The following TMEM132C variants were observed in gnomAD, a reference collection of about 807,000 sequenced individuals.
TMEM132C encodes the protein protein phosphatase 1, regulatory subunit 152.
TMEM132C carries 29 observed loss-of-function variants against 61.4 expected under a neutral mutation model. The observed-to-expected ratio is 0.47, with a 90% confidence interval of 0.35 to 0.64. TMEM132C has a LOEUF of 0.64. Among genes scored for constraint, TMEM132C ranks in the 30% least tolerant of loss-of-function variants. TMEM132C has a pLI of 0.00. For synonymous variants in TMEM132C, 656 were observed against 633.1 expected (o/e 1.04, Z -0.54); for missense variants, 1,408 against 1,476.9 (o/e 0.95, Z 0.76).
intron 1 of TMEM132C, among the ~76,000 whole-genome samples, chr12:128,357,438 T>C (rs902446488): frequency 2.0e-5 from 3 of 152,156 alleles, no homozygotes; most frequent in Non-Finnish European, 4.4e-5. Context: ...GGCTCATGCC[T>C]GTAATCTCAG....
intron 1 of TMEM132C, among the ~76,000 whole-genome samples, chr12:128,399,618 A>C (rs758570071): frequency 2.0e-5 from 3 of 152,146 alleles, no homozygotes; most frequent in Admixed American, 6.5e-5. Context: ...TGGTCTATAA[A>C]TCAGATTGTA....
At chr12:128,393,029 G>A (rs73436698) in intron 1 of TMEM132C, among the ~76,000 whole-genome samples, 8,530 of 152,254 alleles carry the variant, frequency 0.056, 724 homozygotes, top group African/African-American at 0.19. Context: ...AAAATGGGTG[G>A]TTCAAACAAA....
At chr12:128,622,940 G>A (rs1395128947) in intron 4 of TMEM132C, among the ~76,000 whole-genome samples, 1 of 152,068 alleles carries the variant, frequency 6.6e-6, no homozygotes, top group African/African-American at 2.4e-5. Flanking sequence ...AAAAATATTT[G>A]CTCAGTTGAA....
chr12:128,407,343 C>G (rs528503672), intron 1 of TMEM132C, among the ~76,000 whole-genome samples: 53 of 152,320 alleles, frequency 3.5e-4, no homozygotes, highest in African/African-American at 1.2e-3. Flanking sequence ...CATTAAACCT[C>G]TTTTTCTTTT....
At chr12:128,376,466 T>C (rs550129511) in intron 1 of TMEM132C, among the ~76,000 whole-genome samples, 11 of 152,328 alleles carry the variant, frequency 7.2e-5, no homozygotes, top group Admixed American at 4.6e-4. Flanking sequence ...ACTTTAGATA[T>C]CAAGAGAATC....
chr12:128,390,557 C>T (rs1230886770), intron 1 of TMEM132C, among the ~76,000 whole-genome samples: 2 of 152,142 alleles, frequency 1.3e-5, no homozygotes, highest in Non-Finnish European at 2.9e-5. Flanking sequence ...TACTATCAGC[C>T]GACTGGCCAC....
rs145992332 is a variant in TMEM132C at position 128,644,055 on chromosome 12, G to A, written c.1306-25362G>A. 3.3e-3 allele frequency among the ~76,000 whole-genome samples: 508 copies of A among 152,238 alleles called. 2 individuals are homozygous for A. The highest frequency in any genetic ancestry group is 6.8e-3 in the Middle Eastern group (2 of 294). ...CAAATTAAAGCCACAATGAAATATC[G>A]CCTCCCATGCACGACAAAAGCTAAG... On this transcript the variant is annotated intron_variant, in intron 4 of 8. Transcript: ENST00000435159.
intron 2 of TMEM132C, among the ~76,000 whole-genome samples, chr12:128,465,048 C>T (rs1026520744): frequency 6.6e-6 from 1 of 152,060 alleles, no homozygotes; most frequent in African/African-American, 2.4e-5. Flanking sequence ...GTGCTTTCTG[C>T]AATCACGTCC....
At chr12:128,483,760 G>C (rs544708140) in intron 2 of TMEM132C, among the ~76,000 whole-genome samples, 1 of 152,010 alleles carries the variant, frequency 6.6e-6, no homozygotes, top group Non-Finnish European at 1.5e-5. Context: ...CATAGCCATC[G>C]TTAGAGATTG....
At chr12:128,311,272 T>A (rs968949806) in intron 1 of TMEM132C, among the ~76,000 whole-genome samples, 7 of 152,216 alleles carry the variant, frequency 4.6e-5, no homozygotes, top group Non-Finnish European at 1.0e-4. Flanking sequence ...CACCCCTTAT[T>A]AACTCAGCTA....
At chr12:128,456,470 G>C (rs1409685044) in intron 2 of TMEM132C, among the ~76,000 whole-genome samples, 2 of 122,904 alleles carry the variant, frequency 1.6e-5, no homozygotes, top group Non-Finnish European at 3.2e-5. Context: ...TCAGTGGCTC[G>C]ATATTGGCTC....
chr12:128,528,776 G>C (rs1593087287), intron 2 of TMEM132C, among the ~76,000 whole-genome samples: 1 of 152,164 alleles, frequency 6.6e-6, no homozygotes, highest in Non-Finnish European at 1.5e-5. Flanking sequence ...ACACCCCTGA[G>C]AACACTGCTT....
chr12:128,683,174 G>A (rs1197350670), intron 5 of TMEM132C, among the ~76,000 whole-genome samples: 1 of 152,122 alleles, frequency 6.6e-6, no homozygotes, highest in Non-Finnish European at 1.5e-5. Flanking sequence ...CAACCCCCTT[G>A]TAAACACCCT....
At chr12:128,427,052 T>C (rs1051072723) in intron 2 of TMEM132C, among the ~76,000 whole-genome samples, 1 of 152,192 alleles carries the variant, frequency 6.6e-6, no homozygotes, top group African/African-American at 2.4e-5. Context: ...TTCAGAAACA[T>C]GCTGGGTACT....
At chr12:128,703,136 T>C (rs1287066782) in intron 8 of TMEM132C, among the ~76,000 whole-genome samples, 2 of 152,158 alleles carry the variant, frequency 1.3e-5, no homozygotes, top group Non-Finnish European at 2.9e-5. Context: ...ACATATTTCT[T>C]TTTTTTATTT....
At position 128,437,479 on chromosome 12, in the gene TMEM132C, A is replaced by G. The variant is rs1285410964; in HGVS notation, c.974+21859A>G. 1.3e-5 allele frequency among the ~76,000 whole-genome samples: 2 copies of G among 152,190 alleles called. 1 individual carries two copies. Among genetic ancestry groups the G allele is most frequent in the South Asian group, 4.2e-4 (2 of 4,806 alleles). ...CCCCAGGGCTCACAAGATGGCCACTACCACCACCAAGATAAACTCACCAAC... is the reference window on the plus strand; with the variant it reads ...CCCCAGGGCTCACAAGATGGCCACTGCCACCACCAAGATAAACTCACCAAC... On this transcript the variant is annotated intron_variant, in intron 2 of 8. Transcript: ENST00000435159.
At chr12:128,420,906 T>C (rs537323866) in intron 2 of TMEM132C, among the ~76,000 whole-genome samples, 1 of 152,288 alleles carries the variant, frequency 6.6e-6, no homozygotes, top group South Asian at 2.1e-4. Flanking sequence ...GGAAAAAATA[T>C]TCAAGAAGCG....
chr12:128,542,131 G>A (rs1873780846), intron 2 of TMEM132C, among the ~76,000 whole-genome samples: 1 of 151,982 alleles, frequency 6.6e-6, no homozygotes, highest in South Asian at 2.1e-4. Flanking sequence ...GAGTCTGGGG[G>A]GCTCTTTGGT....
intron 3 of TMEM132C, among the ~76,000 whole-genome samples, chr12:128,563,815 C>A (rs901760501): frequency 6.6e-6 from 1 of 152,184 alleles, no homozygotes; most frequent in Admixed American, 6.6e-5. Context: ...TGTCTTAGTT[C>A]ATTTGGGCTG....
Sources: allele counts gnomAD v4.1 joint callset (sites outside exome capture counted in the v4.1 genomes callset), GRCh38; gene constraint gnomAD v4.1.1; transcripts MANE v1.5; gene names NCBI Gene and HGNC (gene_info 2026-07-23, HGNC 2026-07-21).